IGSF10: variants seen among roughly 807,000 people sequenced by gnomAD.
IGSF10 encodes calvaria mechanical force protein 608.
IGSF10 carries 126 observed loss-of-function variants against 128.2 expected under a neutral mutation model. The observed-to-expected ratio is 0.98, with a 90% confidence interval of 0.85 to 1.14. The LOEUF is 1.14. IGSF10 is among the 50% of genes most tolerant of loss of function. IGSF10 has a pLI of 0.00. For synonymous variants in IGSF10, 1,185 were observed against 1,146.2 expected (o/e 1.03, Z -0.68); for missense variants, 3,295 against 3,149.8 (o/e 1.05, Z -1.10).
the IGSF10 span, among the ~76,000 whole-genome samples, chr3:151,492,935 T>TATGCCCATATATGC: frequency 6.6e-6 from 1 of 151,694 alleles, no homozygotes; most frequent in Admixed American, 6.6e-5. Context: ...TATGTATATG[T>TATGCCCATATATGC]ATGCCTATAT....
the IGSF10 span, among the ~76,000 whole-genome samples, chr3:151,553,392 A>G: frequency 6.6e-6 from 1 of 152,078 alleles, no homozygotes; most frequent in African/African-American, 2.4e-5. Context: ...TTTAAGTTGG[A>G]AAACTATTCT....
the IGSF10 span, among the ~76,000 whole-genome samples, chr3:151,504,460 AT>A: frequency 6.6e-6 from 1 of 152,174 alleles, no homozygotes; most frequent in Non-Finnish European, 1.5e-5. Flanking sequence ...AAATATCTTG[AT>A]CCTTTTTGCT....
chr3:151,545,322 C>T, the IGSF10 span, among the ~76,000 whole-genome samples: 1 of 152,182 alleles, frequency 6.6e-6, no homozygotes, highest in Admixed American at 6.5e-5. Flanking sequence ...GCAGAATTCA[C>T]TGTAGGGTAA....
the IGSF10 span, among the ~76,000 whole-genome samples, chr3:151,595,750 CA>C: frequency 7.0e-6 from 1 of 142,622 alleles, no homozygotes; most frequent in Admixed American, 7.1e-5. Flanking sequence ...AGGTGAAGTA[CA>C]TAGAAACAGA....
chr3:151,436,120 G>GTTAT (rs1720155663), downstream of IGSF10: 1 of 152,170 alleles, frequency 6.6e-6, no homozygotes, highest in East Asian at 1.9e-4. Context: ...TTTAAATGCA[G>GTTAT]TTATTAAAAC....
At chr3:151,454,801 C>G (rs1721697860) in intron 4 of IGSF10, among the ~76,000 whole-genome samples, 1 of 151,860 alleles carries the variant, frequency 6.6e-6, no homozygotes, top group South Asian at 2.1e-4. Flanking sequence ...TGAGACCAGC[C>G]TAGCCAACAT....
At chr3:151,472,682 G>C in the IGSF10 span, among the ~76,000 whole-genome samples, 1 of 152,084 alleles carries the variant, frequency 6.6e-6, no homozygotes, top group African/African-American at 2.4e-5. Flanking sequence ...TGCTTCTCCT[G>C]CTCTCTTAAA....
At chr3:151,481,325 G>A in the IGSF10 span, among the ~76,000 whole-genome samples, 1 of 152,162 alleles carries the variant, frequency 6.6e-6, no homozygotes, top group African/African-American at 2.4e-5. Flanking sequence ...TATCATCACT[G>A]TGTTGTTCCC....
chr3:151,473,796 G>A, the IGSF10 span, among the ~76,000 whole-genome samples: 16 of 152,020 alleles, frequency 1.1e-4, no homozygotes, highest in African/African-American at 3.1e-4. Flanking sequence ...CTACCTCCTC[G>A]TTGGTTCAGA....
At chr3:151,512,707 A>T in the IGSF10 span, among the ~76,000 whole-genome samples, 1 of 152,220 alleles carries the variant, frequency 6.6e-6, no homozygotes, top group Non-Finnish European at 1.5e-5. Context: ...CAAAATTGAT[A>T]GACTGCTAGC....
At chr3:151,568,133 T>A in the IGSF10 span, among the ~76,000 whole-genome samples, 1 of 152,194 alleles carries the variant, frequency 6.6e-6, no homozygotes, top group Non-Finnish European at 1.5e-5. Flanking sequence ...AATTATTAGC[T>A]GTCTAGTCTA....
chr3:151,556,924 T>G, the IGSF10 span, among the ~76,000 whole-genome samples: 1 of 152,206 alleles, frequency 6.6e-6, no homozygotes, highest in Non-Finnish European at 1.5e-5. Flanking sequence ...AAATGATCGT[T>G]GTAAAGTCTT....
the IGSF10 span, among the ~76,000 whole-genome samples, chr3:151,519,903 T>C: frequency 2.0e-5 from 3 of 151,830 alleles, no homozygotes; most frequent in African/African-American, 7.2e-5. Flanking sequence ...GACTAATATA[T>C]TGATTTTGTT....
chr3:151,592,835 T>G, the IGSF10 span, among the ~76,000 whole-genome samples: 1 of 152,196 alleles, frequency 6.6e-6, no homozygotes, highest in Non-Finnish European at 1.5e-5. Flanking sequence ...TGTAATGCAG[T>G]GCTTTGAAAG....
the IGSF10 span, among the ~76,000 whole-genome samples, chr3:151,579,229 G>A: frequency 1.3e-5 from 2 of 152,122 alleles, no homozygotes; most frequent in African/African-American, 4.8e-5. Context: ...CATTAAATGT[G>A]TAGTATAAAA....
chr3:151,533,538 A>G, the IGSF10 span, among the ~76,000 whole-genome samples: 1 of 152,242 alleles, frequency 6.6e-6, no homozygotes. Flanking sequence ...AACCTGATAA[A>G]AACAAGCAAT....
chr3:151,528,143 C>G, the IGSF10 span, among the ~76,000 whole-genome samples: 2 of 152,016 alleles, frequency 1.3e-5, no homozygotes, highest in South Asian at 4.1e-4. Context: ...TAGATAGGAC[C>G]TGGCATAAGA....
At chr3:151,539,256 G>T in the IGSF10 span, among the ~76,000 whole-genome samples, 2 of 152,186 alleles carry the variant, frequency 1.3e-5, no homozygotes, top group Non-Finnish European at 2.9e-5. Context: ...CCACGTGGAG[G>T]CTTGCTCTGT....
At chr3:151,498,150 T>C in the IGSF10 span, among the ~76,000 whole-genome samples, 2 of 152,148 alleles carry the variant, frequency 1.3e-5, no homozygotes, top group African/African-American at 2.4e-5. Flanking sequence ...CTTTTCCTAA[T>C]TGAATACCCT....
Sources: gnomAD v4.1 joint callset for allele counts (sites outside exome capture counted in the v4.1 genomes callset) on GRCh38, gnomAD v4.1.1 for gene constraint, MANE v1.5 for transcripts, NCBI Gene and HGNC (gene_info 2026-07-23, HGNC 2026-07-21) for gene names.